JMJD1C: variants seen among roughly 807,000 people sequenced by gnomAD.
JMJD1C encodes the protein jumonji domain-containing protein 1C.
JMJD1C carries 31 observed loss-of-function variants against 245.3 expected under a neutral mutation model. The observed-to-expected ratio is 0.13, with a 90% CI of 0.09 to 0.17. The LOEUF (loss-of-function observed/expected upper bound fraction) is 0.17, where lower values mean the gene tolerates loss of function less well. JMJD1C is among the 10% of genes least tolerant of loss of function. The pLI is 1.00. For missense variants in JMJD1C, 2,691 were observed against 3,000.2 expected, an observed-to-expected ratio of 0.90 and a Z score of 2.41; for synonymous variants, 1,057 against 1,017.4, an observed-to-expected ratio of 1.04 and a Z score of -0.74.
At chr10:63,317,502 G>C (rs182336841) in intron 2 of JMJD1C, among the ~76,000 whole-genome samples, 1 of 152,072 alleles carries the variant, frequency 6.6e-6, no homozygotes, top group Admixed American at 6.6e-5. Flanking sequence ...TGTCTCTACT[G>C]ATTAATCAAC....
At chr10:63,328,494 C>T (rs1186828111) in intron 2 of JMJD1C, among the ~76,000 whole-genome samples, 1 of 152,156 alleles carries the variant, frequency 6.6e-6, no homozygotes, top group Non-Finnish European at 1.5e-5. Context: ...TATTTATAGA[C>T]ATGTGATGTT....
At chr10:63,512,362 T>C (rs1459512303) in intron 1 of JMJD1C, among the ~76,000 whole-genome samples, 1 of 152,214 alleles carries the variant, frequency 6.6e-6, no homozygotes, top group Non-Finnish European at 1.5e-5. Context: ...AAGTCTTTTA[T>C]ACATATTTCT....
In JMJD1C at chr10:63,200,472, T is replaced by G; in HGVS notation, c.5276+4A>C. On this transcript the variant is annotated splice_donor_region_variant and intron_variant, in intron 11 of 25. Coordinates refer to ENST00000399262, the MANE Select transcript of JMJD1C (RefSeq NM_032776.3). ...TTTTTTCCCAATCTCATATTTTCAC[T>G]TACCGTCTAAAGTAGTAAAATCTAC... 3.1e-6 allele frequency: 5 copies of G among 1,606,172 alleles called. No homozygotes were observed. The highest frequency in any genetic ancestry group is 4.3e-6 in the Non-Finnish European group (5 of 1,173,296).
chr10:63,497,602 A>AG (rs1171267912), intron 1 of JMJD1C, among the ~76,000 whole-genome samples: 2 of 152,218 alleles, frequency 1.3e-5, no homozygotes, highest in African/African-American at 4.8e-5. Context: ...TAAAAACCAT[A>AG]CAACTGTGTA....
At chr10:63,188,915 C>T (rs1844443375) in intron 18 of JMJD1C, among the ~76,000 whole-genome samples, 1 of 152,146 alleles carries the variant, frequency 6.6e-6, no homozygotes, top group Non-Finnish European at 1.5e-5. Context: ...TATTACATGT[C>T]TGTTCTGATA....
At chr10:63,282,704 TC>T (rs1278175551) in intron 2 of JMJD1C, among the ~76,000 whole-genome samples, 1 of 152,164 alleles carries the variant, frequency 6.6e-6, no homozygotes, top group South Asian at 2.1e-4. Flanking sequence ...TAAAAGACCT[TC>T]CCCACTAAAA....
chr10:63,348,297 G>A (rs995130164), intron 2 of JMJD1C, among the ~76,000 whole-genome samples: 1 of 151,790 alleles, frequency 6.6e-6, no homozygotes, highest in African/African-American at 2.4e-5. Flanking sequence ...AGGTATCACT[G>A]AGTCAACTCT....
Position 63,453,252 on chromosome 10 carries a change from G to A in JMJD1C, c.168+12243C>T, listed in dbSNP as rs575332691. Among the ~76,000 whole-genome samples, 3 of 152,298 alleles carry A rather than the reference G, an allele frequency of 2.0e-5. No individual in the cohort carries two copies. The South Asian group carries it at 6.2e-4, about 32-fold the overall frequency. On this transcript the variant is annotated intron_variant, in intron 1 of 25. Coordinates refer to ENST00000399262, the MANE Select transcript of JMJD1C (RefSeq NM_032776.3). ...ATGGCGCCACTGCACTCCAGCCTGG[G>A]TGACAGAGCAAGACCCTGTCTCAAA...
chr10:63,232,828 T>C (rs1850184293), intron 3 of JMJD1C, among the ~76,000 whole-genome samples: 1 of 152,194 alleles, frequency 6.6e-6, no homozygotes, highest in South Asian at 2.1e-4. Context: ...TAAAATATGA[T>C]TACATGAAAT....
chr10:63,184,348 T>C (rs1173813374), intron 21 of JMJD1C, among the ~76,000 whole-genome samples: 1 of 151,808 alleles, frequency 6.6e-6, no homozygotes, highest in Non-Finnish European at 1.5e-5. Context: ...GTTCAAGTAA[T>C]TCTCCTGCCT....
At chr10:63,274,432 G>A (rs1315614638) in intron 2 of JMJD1C, among the ~76,000 whole-genome samples, 1 of 151,924 alleles carries the variant, frequency 6.6e-6, no homozygotes, top group Non-Finnish European at 1.5e-5. Flanking sequence ...AGGTGTGGTG[G>A]CACGCACCTG....
At chr10:63,404,402 C>T (rs1243369921) in intron 1 of JMJD1C, among the ~76,000 whole-genome samples, 1 of 152,100 alleles carries the variant, frequency 6.6e-6, no homozygotes, top group Non-Finnish European at 1.5e-5. Context: ...AGTGGAACCA[C>T]ATGCTAATTT....
intron 1 of JMJD1C, among the ~76,000 whole-genome samples, chr10:63,512,956 A>G (rs1589843075): frequency 6.6e-6 from 1 of 152,310 alleles, no homozygotes; most frequent in East Asian, 1.9e-4. Flanking sequence ...GATTTTTAAA[A>G]GTCCAGTATA....
intron 2 of JMJD1C, among the ~76,000 whole-genome samples, chr10:63,279,694 T>C (rs912249502): frequency 1.2e-4 from 18 of 152,328 alleles, no homozygotes; most frequent in Middle Eastern, 3.4e-3. Context: ...AAGTTAAGAC[T>C]GTAGTGAGCC....
chr10:63,252,967 C>G (rs185076556), intron 3 of JMJD1C, among the ~76,000 whole-genome samples: 1 of 152,108 alleles, frequency 6.6e-6, no homozygotes, highest in Non-Finnish European at 1.5e-5. Context: ...TCTTTTTCCT[C>G]GAATCTTAAA....
intron 2 of JMJD1C, among the ~76,000 whole-genome samples, chr10:63,340,914 C>T (rs569393039): frequency 5.3e-4 from 81 of 152,160 alleles, no homozygotes; most frequent in African/African-American, 1.9e-3. Flanking sequence ...CACTGCACTC[C>T]AGCCTGGGCG....
At chr10:63,186,613 G>A (rs1401216209) in intron 18 of JMJD1C, among the ~76,000 whole-genome samples, 2 of 152,128 alleles carry the variant, frequency 1.3e-5, no homozygotes. Context: ...GAAAGTGAAT[G>A]TCTCCTTTGA....
At chr10:63,300,209 G>T (rs1859917570) in intron 2 of JMJD1C, among the ~76,000 whole-genome samples, 1 of 152,174 alleles carries the variant, frequency 6.6e-6, no homozygotes, top group Non-Finnish European at 1.5e-5. Context: ...TACAGTACTA[G>T]TGAGGCCAAG....
Position 63,320,148 on chromosome 10 carries a change from C to T in JMJD1C, c.334-55384G>A, listed in dbSNP as rs559252102. 4.3e-4 allele frequency among the ~76,000 whole-genome samples: 66 copies of T among 152,288 alleles called. 1 individual carries two copies. The South Asian group carries it at 0.013, about 29-fold the overall frequency. Reference sequence around the variant, plus strand: ...CTTGAACTCCTGGCTTCAAGTGATTCGCCTACCTCAGCTTTCCAAAGTGCT... The same window carrying T: ...CTTGAACTCCTGGCTTCAAGTGATTTGCCTACCTCAGCTTTCCAAAGTGCT... On this transcript the variant is annotated intron_variant, in intron 2 of 25. Coordinates refer to ENST00000399262, the MANE Select transcript of JMJD1C (RefSeq NM_032776.3).
Sources: allele counts gnomAD v4.1 joint callset (sites outside exome capture counted in the v4.1 genomes callset), GRCh38; gene constraint gnomAD v4.1.1; transcripts MANE v1.5; gene names NCBI Gene and HGNC (gene_info 2026-07-23, HGNC 2026-07-21).